The following TIAM1 variants were observed in gnomAD, a reference collection of about 807,000 sequenced individuals.
The protein encoded by TIAM1 is TIAM Rac1 associated GEF 1.
Under a neutral mutation model 163.5 loss-of-function variants are expected in TIAM1, and 65 were observed. That is an observed-to-expected ratio of 0.40 (90% CI 0.33 to 0.49). The LOEUF is 0.49. TIAM1 is among the 20% of genes least tolerant of loss of function. The probability of loss-of-function intolerance (pLI) is 0.77; values close to 1 mark genes in which losing one functional copy is unlikely to be tolerated. For synonymous variants in TIAM1, 833 were observed against 810.1 expected, an observed-to-expected ratio of 1.03 and a Z score of -0.48; for missense variants, 1,789 against 2,044.7, an observed-to-expected ratio of 0.87 and a Z score of 2.41.
At chr21:31,526,054 AT>A (rs1391237766) in intron 1 of TIAM1, among the ~76,000 whole-genome samples, 3 of 138,488 alleles carry the variant, frequency 2.2e-5, no homozygotes, top group Admixed American at 7.3e-5. Flanking sequence ...AAAAAAAAAA[AT>A]TATCTCATCC....
At chr21:31,407,928 G>A (rs1385082488) in intron 2 of TIAM1, among the ~76,000 whole-genome samples, 4 of 152,114 alleles carry the variant, frequency 2.6e-5, no homozygotes, top group Non-Finnish European at 4.4e-5. Flanking sequence ...GTCAGCCACC[G>A]GGCCCAGCCT....
In TIAM1 at chr21:31,155,528, G is replaced by A. The variant is rs555890273; in HGVS notation, c.2992-1102C>T. On this transcript the variant is annotated intron_variant, in intron 16 of 27. Transcript: ENST00000541036. The stretch of plus-strand genomic sequence containing the variant: ...TTCTTACTTTTTTTTTTTTTGAGAC[G>A]GAGTCTCGCTCTGTCACCCAGGCTG... Among the ~76,000 whole-genome samples the A allele has an allele frequency of 7.3e-5, 11 of 151,006 alleles. 1 individual carries two copies. Among genetic ancestry groups the A allele is most frequent in the Admixed American group, 2.0e-4 (3 of 15,200 alleles).
At chr21:31,529,806 C>T (rs1016144064) in intron 1 of TIAM1, among the ~76,000 whole-genome samples, 11 of 152,134 alleles carry the variant, frequency 7.2e-5, no homozygotes, top group African/African-American at 1.9e-4. Context: ...TCACCTCATG[C>T]CCCCTTCCTC....
Position 31,251,733 on chromosome 21 carries a change from C to A in TIAM1, c.1411+9G>T, listed in dbSNP as rs370884281. 2 of 1,569,908 alleles carry A rather than the reference C, an allele frequency of 1.3e-6. No homozygotes were observed. Among genetic ancestry groups the A allele is most frequent in the Admixed American group, 3.5e-5 (2 of 57,624 alleles). On this transcript the variant is annotated intron_variant, in intron 5 of 27. Transcript: ENST00000541036. ...ATTTGGCACATAGCCGGGGCCCTCC[C>A]GCTCTCACCTTTCAGGGACACCCAG...
At chr21:31,237,097 C>T (rs1601656945) in intron 6 of TIAM1, among the ~76,000 whole-genome samples, 4 of 152,114 alleles carry the variant, frequency 2.6e-5, no homozygotes, top group South Asian at 4.1e-4. Flanking sequence ...CTAACAAAAC[C>T]GATGGTTGAA....
At chr21:31,147,827 G>A (rs1446046992) in intron 19 of TIAM1, among the ~76,000 whole-genome samples, 5 of 142,334 alleles carry the variant, frequency 3.5e-5, no homozygotes, top group Non-Finnish European at 6.0e-5. Flanking sequence ...AACACCTTCT[G>A]TTTCACACTG....
intron 15 of TIAM1, 75 bp downstream of exon 15, chr21:31,182,345 CA>C: frequency 7.7e-7 from 1 of 1,295,800 alleles, no homozygotes; most frequent in Non-Finnish European, 1.0e-6. Context: ...CTGAAACACA[CA>C]AGCCGCATGA....
intron 14 of TIAM1, among the ~76,000 whole-genome samples, chr21:31,185,006 C>CA (rs149519244): frequency 0.084 from 12,796 of 152,148 alleles, 783 homozygotes; most frequent in East Asian, 0.24. Flanking sequence ...TGAACCAGGA[C>CA]AAAAAAGGCA....
intron 14 of TIAM1, 79 bp downstream of exon 14, chr21:31,186,922 A>C (rs1193566235): frequency 2.6e-5 from 31 of 1,184,648 alleles, no homozygotes; most frequent in Non-Finnish European, 3.9e-5. Flanking sequence ...TCCTTTGGGC[A>C]TATCTTTCTC....
At position 31,245,532 on chromosome 21, in the gene TIAM1, C is replaced by A; in HGVS notation, c.1540G>T (p.Val514Phe). 1 of 1,575,218 alleles carries A rather than the reference C, an allele frequency of 6.3e-7. No homozygotes were observed. The highest frequency in any genetic ancestry group is 1.7e-4 in the Middle Eastern group (1 of 5,906). ...AVPEHPKKDF[V>F]FCLSNSLGDA... ...CCCAGGGAATTGCTGAGGCAGAAGA[C>A]AAAGTCCTTCTTGGGGTGCTCAGGC... Residue 514 changes from valine (V) to phenylalanine (F), a missense_variant, in exon 6 of 28, where the codon GTC (valine) becomes TTC (phenylalanine). This residue lies in a region of TIAM1 where 456 missense variants were observed against 586.6 expected (regional missense o/e 0.78). Transcript: ENST00000541036.
At chr21:31,440,839 C>T (rs572822204) in intron 2 of TIAM1, among the ~76,000 whole-genome samples, 11 of 152,128 alleles carry the variant, frequency 7.2e-5, no homozygotes, top group Non-Finnish European at 1.0e-4. Flanking sequence ...AGAGATCATG[C>T]CATTGCACTC....
intron 2 of TIAM1, among the ~76,000 whole-genome samples, chr21:31,440,246 G>A (rs1459783298): frequency 6.6e-6 from 1 of 152,150 alleles, no homozygotes; most frequent in African/African-American, 2.4e-5. Flanking sequence ...TAAGAAATGA[G>A]AAACTCAGAA....
Position 31,251,733 on chromosome 21 carries a change from C to T in TIAM1, c.1411+9G>A, listed in dbSNP as rs370884281. 1.3e-6 allele frequency: 2 copies of T among 1,569,790 alleles called. No homozygotes were observed. Among genetic ancestry groups the T allele is most frequent in the African/African-American group, 1.3e-5 (1 of 74,206 alleles). On this transcript the variant is annotated intron_variant, in intron 5 of 27. Coordinates refer to ENST00000541036, the MANE Select transcript of TIAM1 (RefSeq NM_001353694.2). ...ATTTGGCACATAGCCGGGGCCCTCC[C>T]GCTCTCACCTTTCAGGGACACCCAG... is the stretch of plus-strand genomic sequence containing the variant.
At chr21:31,356,986 T>C (rs934625623) in intron 2 of TIAM1, among the ~76,000 whole-genome samples, 1 of 152,180 alleles carries the variant, frequency 6.6e-6, no homozygotes, top group African/African-American at 2.4e-5. Flanking sequence ...ATTTTTAAAA[T>C]TTTTAAAAGA....
chr21:31,497,971 T>A (rs536360124), intron 1 of TIAM1, among the ~76,000 whole-genome samples: 6 of 152,358 alleles, frequency 3.9e-5, no homozygotes, highest in African/African-American at 1.4e-4. Context: ...CATAGCCCTG[T>A]TCCCCCAAGC....
chr21:31,423,501 T>C (rs1602242572), intron 2 of TIAM1, among the ~76,000 whole-genome samples: 3 of 151,874 alleles, frequency 2.0e-5, no homozygotes, highest in Admixed American at 2.0e-4. Context: ...TTCTCCATTA[T>C]AGAAACTAGC....
intron 2 of TIAM1, among the ~76,000 whole-genome samples, chr21:31,397,296 C>A (rs1319553292): frequency 6.6e-6 from 1 of 152,146 alleles, no homozygotes; most frequent in Non-Finnish European, 1.5e-5. Context: ...AAAACTGAGG[C>A]AGAGAAGTTG....
At chr21:31,487,568 T>TTTG (rs34651423) in intron 1 of TIAM1, among the ~76,000 whole-genome samples, 13 of 145,702 alleles carry the variant, frequency 8.9e-5, no homozygotes, top group Non-Finnish European at 1.4e-4. Flanking sequence ...TTTTTTTTTT[T>TTTG]GAGACGGAGT....
rs35150732 is a variant in TIAM1, at chr21:31,385,717, T to TA, written c.-368-46296dup. ...AAAAAATATACTGCACTGGAAGATT[T>TA]AAAAAAAAAAAAAAATGTACCCTAC... On this transcript the variant is annotated intron_variant, in intron 2 of 28. Coordinates refer to the TIAM1 transcript ENST00000286827. Among the ~76,000 whole-genome samples, 129 of 141,292 alleles carry TA rather than the reference T, an allele frequency of 9.1e-4. 1 individual carries two copies. The highest frequency in any genetic ancestry group is 2.2e-3 in the South Asian group (10 of 4,486). 92.7% of individuals were successfully genotyped at this position (141,292 alleles called of 152,430 possible).
Sources: gnomAD v4.1 joint callset for allele counts (sites outside exome capture counted in the v4.1 genomes callset) on GRCh38, gnomAD v4.1.1 for gene constraint, gnomAD v4.1.1 regional missense constraint, MANE v1.5 for transcripts, NCBI Gene and HGNC (gene_info 2026-07-23, HGNC 2026-07-21) for gene names.